Variants in DMXL2 observed in about 807,000 individuals in gnomAD.
The protein encoded by DMXL2 is dmX-like protein 2.
DMXL2 carries 103 observed loss-of-function variants against 331.1 expected under a neutral mutation model. The observed-to-expected ratio is 0.31, with a 90% confidence interval of 0.27 to 0.37. The LOEUF (loss-of-function observed/expected upper bound fraction) is 0.37, where lower values mean the gene tolerates loss of function less well. DMXL2 is among the 10% of genes least tolerant of loss of function. The probability of loss-of-function intolerance (pLI) is 1.00; values close to 1 mark genes in which losing one functional copy is unlikely to be tolerated. For missense variants in DMXL2, 3,171 were observed against 3,642.9 expected (o/e 0.87, Z 3.33); for synonymous variants, 1,281 against 1,252.1 (o/e 1.02, Z -0.49).
In DMXL2 at chr15:51,474,576, A is replaced by C. The variant is rs767612986; in HGVS notation, c.6981T>G (p.Ile2327Met). 3 of 1,613,978 alleles carry C rather than the reference A, an allele frequency of 1.9e-6. No homozygotes were observed. The highest frequency in any genetic ancestry group is 1.7e-6 in the Non-Finnish European group (2 of 1,179,912). Reference sequence around the variant, plus strand: ...CATCTTGGGCTGAACTCAAAAGATTAATAAGTGAGCTCACACCTATAAGGG... The same window carrying C: ...CATCTTGGGCTGAACTCAAAAGATTCATAAGTGAGCTCACACCTATAAGGG... The part of the protein sequence containing the change: ...PAQWPGVSSL[I>M]NLLSSAQDED... The change falls in exon 28 of 44, where the codon ATT becomes ATG. Residue 2327 changes from isoleucine to methionine, a missense_variant. This residue lies in a region of DMXL2 where 766 missense variants were observed against 940.5 expected (regional missense o/e 0.81). Transcript: ENST00000560891.
At chr15:51,566,070 A>T (rs1034747410) in intron 3 of DMXL2, among the ~76,000 whole-genome samples, 3 of 152,094 alleles carry the variant, frequency 2.0e-5, no homozygotes, top group African/African-American at 7.2e-5. Flanking sequence ...TTAGCTGGGC[A>T]TGGGAGCTCA....
In DMXL2 at chr15:51,449,271, C is replaced by T. The variant is rs190604764; in HGVS notation, c.8968-78G>A. ...AAACATGGCCCTTCTGCTCCCTTGG[C>T]CCAAGTGATCTCACTAAAGCCCAAC... On this transcript the variant is annotated intron_variant, in intron 43 of 43. Transcript: ENST00000560891. The T allele has an allele frequency of 6.3e-6, 9 of 1,428,824 alleles. No homozygotes were observed. The African/African-American group carries it at 1.1e-4, about 18-fold the overall frequency. The allele number at this position is 1,428,824 out of a possible 1,614,324, so 88.5% of individuals were successfully genotyped here.
chr15:51,487,757 C>G (rs1440885556), intron 22 of DMXL2, among the ~76,000 whole-genome samples, 197 bp downstream of exon 22: 1 of 152,136 alleles, frequency 6.6e-6, no homozygotes, highest in Non-Finnish European at 1.5e-5. Flanking sequence ...CATGCCCAGC[C>G]TGAAATTTTT....
chr15:51,467,790 G>C (rs925079738), intron 29 of DMXL2, among the ~76,000 whole-genome samples: 1 of 150,438 alleles, frequency 6.6e-6, no homozygotes, highest in Non-Finnish European at 1.5e-5. Context: ...GCAGTGGCAC[G>C]ATCTTGGCTC....
rs139597576 is a variant in DMXL2, at chr15:51,514,483, A to G, written c.2603T>C (p.Met868Thr). The change falls in exon 15 of 44, where the codon ATG (methionine) becomes ACG (threonine). Residue 868 changes from methionine (M) to threonine (T), a missense_variant. Around this residue, in one of 7 missense-constraint regions of DMXL2, gnomAD observed 1,674 missense variants for 1,780.2 expected, o/e 0.94. Transcript: ENST00000560891. The part of the protein sequence containing the change: ...IIGYKPHKED[M>T]EKKETEIFFQ... The stretch of plus-strand genomic sequence containing the variant: ...AAATATTTCTGTTTCCTTTTTCTCC[A>G]TATCTTCCTTATGTGGTTTATATCC... The G allele has an allele frequency of 9.8e-5, 156 of 1,591,380 alleles. No individual in the cohort carries two copies. Among genetic ancestry groups the G allele is most frequent in the African/African-American group, 1.9e-4 (14 of 73,502 alleles).
intron 36 of DMXL2, 78 bp from the exon 37 acceptor site, chr15:51,457,544 T>G (rs2039738527): frequency 1.3e-6 from 2 of 1,499,468 alleles, no homozygotes; most frequent in Non-Finnish European, 1.8e-6. Context: ...TCTTCTTATG[T>G]ACCCATAGGA....
intron 1 of DMXL2, among the ~76,000 whole-genome samples, chr15:51,613,984 T>C (rs1307501936): frequency 6.6e-6 from 1 of 152,214 alleles, no homozygotes; most frequent in Non-Finnish European, 1.5e-5. Context: ...GACTATATTG[T>C]GTAACCCCAA....
chr15:51,471,854 T>G (rs2041145242), intron 28 of DMXL2, among the ~76,000 whole-genome samples: 1 of 152,054 alleles, frequency 6.6e-6, no homozygotes, highest in Admixed American at 6.6e-5. Flanking sequence ...AAATGAGGAG[T>G]AAATTACTTT....
chr15:51,564,325 C>A, intron 4 of DMXL2, 65 bp from the exon 5 acceptor site: 1 of 1,277,656 alleles, frequency 7.8e-7, no homozygotes, highest in Non-Finnish European at 1.1e-6. Context: ...TGCACATGGG[C>A]TTCTGTTTAG....
At chr15:51,476,765 A>C (rs755820160) in intron 26 of DMXL2, 46 bp from the exon 27 acceptor site, 45 of 1,515,502 alleles carry the variant, frequency 3.0e-5, no homozygotes, top group Non-Finnish European at 4.0e-5. Flanking sequence ...GAGGTAATAA[A>C]AAATTGCACT....
At chr15:51,564,642 A>G (rs897287232) in intron 4 of DMXL2, among the ~76,000 whole-genome samples, 2 of 152,166 alleles carry the variant, frequency 1.3e-5, no homozygotes, top group Non-Finnish European at 2.9e-5. Context: ...GGTTTTACAC[A>G]TGAAATATAA....
intron 3 of DMXL2, among the ~76,000 whole-genome samples, chr15:51,565,483 T>A (rs1056387630): frequency 6.6e-6 from 1 of 152,176 alleles, no homozygotes; most frequent in African/African-American, 2.4e-5. Flanking sequence ...CAAACCCCTA[T>A]CCTTCCACTA....
At chr15:51,594,293 A>G (rs1353320047) in intron 1 of DMXL2, among the ~76,000 whole-genome samples, 11 of 152,090 alleles carry the variant, frequency 7.2e-5, no homozygotes, top group Non-Finnish European at 1.3e-4. Flanking sequence ...ACACCTCTAC[A>G]CAAATAAACT....
At chr15:51,596,022 T>C (rs1157806765) in intron 1 of DMXL2, among the ~76,000 whole-genome samples, 1 of 152,222 alleles carries the variant, frequency 6.6e-6, no homozygotes, top group Admixed American at 6.5e-5. Context: ...AAGGACTTCA[T>C]GTCTAAAACA....
chr15:51,486,044 A>G (rs1567015191), intron 23 of DMXL2, 29 bp downstream of exon 23: 2 of 1,527,820 alleles, frequency 1.3e-6, no homozygotes, highest in East Asian at 2.3e-5. Flanking sequence ...TTTAAAAAAG[A>G]AAAAAAAGAA....
intron 13 of DMXL2, among the ~76,000 whole-genome samples, chr15:51,532,666 C>T (rs1224177037): frequency 6.6e-6 from 1 of 152,002 alleles, no homozygotes; most frequent in Non-Finnish European, 1.5e-5. Flanking sequence ...CTACTATGTA[C>T]CCACAAAAAT....
intron 13 of DMXL2, among the ~76,000 whole-genome samples, chr15:51,527,590 G>A (rs540460879): frequency 4.3e-4 from 65 of 151,982 alleles, no homozygotes; most frequent in Non-Finnish European, 5.0e-4. Context: ...TTAGCTGGGC[G>A]TGGCAGTGTG....
intron 7 of DMXL2, 25 bp downstream of exon 7, chr15:51,547,205 A>C: frequency 6.4e-7 from 1 of 1,553,964 alleles, no homozygotes. Context: ...ATGCAAACTA[A>C]AGCTACATGA....
intron 1 of DMXL2, among the ~76,000 whole-genome samples, chr15:51,579,504 C>T (rs989321331): frequency 6.6e-6 from 1 of 152,168 alleles, no homozygotes; most frequent in African/African-American, 2.4e-5. Context: ...AATGGTTCAT[C>T]AGAGCAAGGA....
Sources: gnomAD v4.1 joint callset for allele counts (sites outside exome capture counted in the v4.1 genomes callset) on GRCh38, gnomAD v4.1.1 for gene constraint, gnomAD v4.1.1 regional missense constraint, MANE v1.5 for transcripts, NCBI Gene and HGNC (gene_info 2026-07-23, HGNC 2026-07-21) for gene names.